ING1: variants seen among roughly 807,000 people sequenced by gnomAD.
ING1 encodes the protein inhibitor of growth family member 1, also known as inhibitor of growth protein 1.
In ING1, 4 loss-of-function variants were observed where a neutral mutation model predicts 23.1. The observed-to-expected ratio is 0.17, with a 90% CI of 0.09 to 0.40. ING1 has a LOEUF of 0.40. Among genes scored for constraint, ING1 ranks in the 10% least tolerant of loss-of-function variants. The pLI, the probability that ING1 is intolerant of heterozygous loss-of-function variation, is 1.00. For synonymous variants in ING1, 179 were observed against 166.4 expected (o/e 1.08, Z -0.58); for missense variants, 256 against 393.8 (o/e 0.65, Z 2.96).
chr13:110,719,164 T>G lies in ING1; in HGVS notation c.137-65T>G. The G allele has an allele frequency of 6.5e-7, 1 of 1,532,568 alleles. No homozygotes were observed. 94.9% of individuals were successfully genotyped at this position (1,532,568 alleles called of 1,614,324 possible). ...CCTGCCAGCCCTCTCCGTAGACCCGTCCGGGGCCGTGTGGGTTGTCCCGGT... is the reference window on the plus strand; with the variant it reads ...CCTGCCAGCCCTCTCCGTAGACCCGGCCGGGGCCGTGTGGGTTGTCCCGGT... On this transcript the variant is annotated intron_variant, in intron 1 of 1. Coordinates refer to ENST00000333219, the MANE Select transcript of ING1 (RefSeq NM_198219.3). The surrounding 1 kb of genome is among the most constrained non-coding windows in gnomAD (Gnocchi z 8.9).
At chr13:110,713,252 G>A (rs1179188324), upstream of ING1, 27 of 1,348,084 alleles carry the variant, frequency 2.0e-5, no homozygotes, top group Admixed American at 3.3e-5. Context: ...TCTGTGGGGC[G>A]GGGACGAAGA....
In ING1 at chr13:110,719,410, G is replaced by A. The variant is rs1024019341; in HGVS notation, c.318G>A (p.Val106=). The A allele has an allele frequency of 1.1e-5, 17 of 1,611,458 alleles. No homozygotes were observed. Among genetic ancestry groups the A allele is most frequent in the Non-Finnish European group, 1.2e-5 (14 of 1,179,718 alleles). Residue 106 remains valine, a synonymous_variant, in exon 2 of 2, where the codon GTG becomes GTA. Coordinates refer to ENST00000333219, the MANE Select transcript of ING1 (RefSeq NM_198219.3). This position sits in a 1 kb window ranked among gnomAD's most constrained non-coding sequence, Gnocchi z 8.9. ...TGGTGGAGAACCGCACGCGGCAGGT[G>A]GACAGCCACGTGGAGCTGTTCGAGG... ...VELVENRTRQ[V]DSHVELFEAQ...
At chr13:110,715,961 C>A (rs765219360) in intron 1 of ING1, 2 of 1,539,094 alleles carry the variant, frequency 1.3e-6, no homozygotes, top group Non-Finnish European at 1.7e-6. Flanking sequence ...CAGTTTCAGG[C>A]CGCATCTCTG....
At position 110,719,575 on chromosome 13, in the gene ING1, C is replaced by T. The variant is rs1377943975; in HGVS notation, c.483C>T (p.Asn161=). 1.9e-6 allele frequency: 3 copies of T among 1,611,474 alleles called. No homozygotes were observed. The highest frequency in any genetic ancestry group is 1.7e-5 in the Admixed American group (1 of 58,954). ...AGCGCAACAACGAGAACCGTGAGAA[C>T]GCGTCCAGCAACCACGACCACGACG... ...RRQRNNENRE[N]ASSNHDHDDG... Residue 161 remains asparagine, a synonymous_variant, in exon 2 of 2, where the codon AAC becomes AAT. Coordinates refer to ENST00000333219, the MANE Select transcript of ING1 (RefSeq NM_198219.3). This position sits in a 1 kb window ranked among gnomAD's most constrained non-coding sequence, Gnocchi z 8.9.
Position 110,713,725 on chromosome 13 carries a change from G to T in ING1, c.-425G>T. The stretch of plus-strand genomic sequence containing the variant: ...GGGTTTTCCACGTTGGACAAGTGCG[G>T]CTCGGCGGCCAGCGGAGCGCGCCCC... On this transcript the variant is annotated 5_prime_UTR_variant, in exon 1 of 2. Coordinates refer to ENST00000333219, the MANE Select transcript of ING1 (RefSeq NM_198219.3). 1 of 985,230 alleles carries T rather than the reference G, an allele frequency of 1.0e-6. No homozygotes were observed. Among genetic ancestry groups the T allele is most frequent in the Non-Finnish European group, 1.2e-6 (1 of 829,888 alleles). The allele number at this position is 985,230 out of a possible 1,614,324, so 61.0% of individuals were successfully genotyped here.
Position 110,719,833 on chromosome 13 carries a change from C to T in ING1, c.741C>T (p.Pro247=), listed in dbSNP as rs751450371. ...CGTGCGTGGGGCTCAATCATAAACC[C>T]AAGGGCAAGTGGTACTGTCCCAAGT... ...HFSCVGLNHK[P]KGKWYCPKCR... Residue 247 remains proline (P), a synonymous_variant, in exon 2 of 2, where the codon CCC becomes CCT. Transcript: ENST00000333219. The surrounding 1 kb of genome is among the most constrained non-coding windows in gnomAD (Gnocchi z 8.9). The T allele has an allele frequency of 3.1e-6, 5 of 1,613,842 alleles. No individual in the cohort carries two copies. The African/African-American group carries it at 6.7e-5, about 22-fold the overall frequency.
intron 1 of ING1, 27 bp downstream of exon 1, chr13:110,714,312 G>C (rs1205584964): frequency 6.5e-7 from 1 of 1,531,370 alleles, no homozygotes. Context: ...GATGGGCGGG[G>C]GCGGCCGCCT....
At chr13:110,717,145 A>G (rs2064130728) in intron 1 of ING1, among the ~76,000 whole-genome samples, 1 of 152,262 alleles carries the variant, frequency 6.6e-6, no homozygotes, top group Non-Finnish European at 1.5e-5. Flanking sequence ...AAAAGAAGTG[A>G]TACCATTTTG....
chr13:110,713,382 TCCCAGCGGGCGTGCTGTGCCG>T, upstream of ING1: 2 of 1,042,562 alleles, frequency 1.9e-6, no homozygotes, highest in Non-Finnish European at 2.3e-6. Flanking sequence ...CCCCTGCGTT[TCCCAGCGGGCGTGCTGTGCCG>T]CCCAACAGGC....
rs759235525 is a variant in ING1 at position 110,715,891 on chromosome 13, G to C, written c.136+1606G>C. The C allele has an allele frequency of 3.9e-5, 62 of 1,587,794 alleles. No individual in the cohort carries two copies. Among genetic ancestry groups the C allele is most frequent in the Non-Finnish European group, 5.2e-5 (61 of 1,171,312 alleles). Reference sequence around the variant, plus strand: ...AGTAGCAGTGATCCCGGGCCTGTGGGCTCGGGGCCGGGGCTGCAGTTCGGA... The same window carrying C: ...AGTAGCAGTGATCCCGGGCCTGTGGCCTCGGGGCCGGGGCTGCAGTTCGGA... On this transcript the variant is annotated intron_variant, in intron 1 of 1. Coordinates refer to ENST00000333219, the MANE Select transcript of ING1 (RefSeq NM_198219.3).
At position 110,714,091 on chromosome 13, in the gene ING1, G is replaced by A. The variant is rs1350928055; in HGVS notation, c.-59G>A. 4.1e-6 allele frequency: 6 copies of A among 1,476,296 alleles called. No individual in the cohort carries two copies. Among genetic ancestry groups the A allele is most frequent in the Admixed American group, 4.7e-5 (2 of 42,852 alleles). 91.4% of individuals were successfully genotyped at this position (1,476,296 alleles called of 1,614,324 possible). A position where few individuals can be genotyped will look rare whatever the true frequency, so the allele number is the denominator to read the frequency against. ...TTTGCAGTGCTATTTTTTGAGGGGG[G>A]CGGGGGGTGGAGGAAGCGGAAAGCC... On this transcript the variant is annotated 5_prime_UTR_variant, in exon 1 of 2. Transcript: ENST00000333219.
chr13:110,715,922 TC>T (rs1447797780), intron 1 of ING1: 1 of 1,568,134 alleles, frequency 6.4e-7, no homozygotes, highest in Admixed American at 1.9e-5. Context: ...TCGGACCGCC[TC>T]CCGCGACCCG....
rs909301199 is a variant in ING1, at chr13:110,722,315, G to C, written c.*2383G>C. ...CAAAAGGTTTATGAAAATAAGTTATGAAACTAAAATACTTAATAAACATCC... is the reference window on the plus strand; with the variant it reads ...CAAAAGGTTTATGAAAATAAGTTATCAAACTAAAATACTTAATAAACATCC... On this transcript the variant is annotated 3_prime_UTR_variant, in exon 2 of 2. Coordinates refer to ENST00000333219, the MANE Select transcript of ING1 (RefSeq NM_198219.3). The C allele has an allele frequency of 6.6e-6, 1 of 152,176 alleles. No homozygotes were observed. Among genetic ancestry groups the C allele is most frequent in the Non-Finnish European group, 1.5e-5 (1 of 68,028 alleles). 9.4% of individuals were successfully genotyped at this position (152,176 alleles called of 1,614,324 possible). A position where few individuals can be genotyped will look rare whatever the true frequency, so the allele number is the denominator to read the frequency against.
In ING1 at chr13:110,719,049, G is replaced by GTTGTGTTGTGTTGTGTTGTGTTGTA. The variant is rs550205267; in HGVS notation, c.137-175_137-174insTTGTGTTGTGTTGTGTTGTATTGTG. ...GTTGTGTTGTGTTGTGTTGTGTTGT[G>GTTGTGTTGTGTTGTGTTGTGTTGTA]TTGTGGTTAGCACAGGAACAGATAG... On this transcript the variant is annotated intron_variant, in intron 1 of 1. Coordinates refer to ENST00000333219, the MANE Select transcript of ING1 (RefSeq NM_198219.3). The surrounding 1 kb of genome is among the most constrained non-coding windows in gnomAD (Gnocchi z 8.9). Among the ~76,000 whole-genome samples the GTTGTGTTGTGTTGTGTTGTGTTGTA allele has an allele frequency of 3.3e-5, 5 of 152,022 alleles. No homozygotes were observed. The highest frequency in any genetic ancestry group is 1.2e-4 in the African/African-American group (5 of 41,376).
intron 1 of ING1, chr13:110,715,934 C>A: frequency 1.9e-6 from 3 of 1,558,304 alleles, no homozygotes; most frequent in Non-Finnish European, 2.6e-6. Context: ...CCGCGACCCG[C>A]GGGGCCGGCT....
intron 1 of ING1, chr13:110,715,319 G>C (rs1259604386): frequency 9.1e-6 from 13 of 1,434,352 alleles, no homozygotes; most frequent in South Asian, 1.5e-5. Context: ...GAAAGTACTA[G>C]ACGCCTCTGC....
upstream of ING1, chr13:110,712,906 A>C (rs1167427370): frequency 1.3e-6 from 2 of 1,529,846 alleles, no homozygotes; most frequent in South Asian, 1.2e-5. Context: ...ACACAAAGGG[A>C]GGGCGGTGAC....
chr13:110,714,419 C>G lies in ING1; in HGVS notation c.136+134C>G, dbSNP rs772557398. 44 of 851,860 alleles carry G rather than the reference C, an allele frequency of 5.2e-5. No individual in the cohort carries two copies. In the Middle Eastern group the frequency reaches 1.1e-3, roughly 21 times the overall value. 52.8% of individuals were successfully genotyped at this position (851,860 alleles called of 1,614,324 possible). A position where few individuals can be genotyped will look rare whatever the true frequency, so the allele number is the denominator to read the frequency against. The stretch of plus-strand genomic sequence containing the variant: ...CCGCAGCGGCGGCCCTCGGCAGGGG[C>G]AGGAACAAAAGGTCTGGAGCGCCTT... On this transcript the variant is annotated intron_variant, in intron 1 of 1. Transcript: ENST00000333219.
At chr13:110,712,808 C>T (rs2064047530), upstream of ING1, 1 of 797,862 alleles carries the variant, frequency 1.3e-6, no homozygotes, top group Admixed American at 2.0e-5. Context: ...CGGGCCTATC[C>T]ACCTCTTCTG....
Sources: gnomAD v4.1 joint callset for allele counts (sites outside exome capture counted in the v4.1 genomes callset) on GRCh38, gnomAD v4.1.1 for gene constraint, Gnocchi (gnomAD v3.1) non-coding constraint, MANE v1.5 for transcripts, NCBI Gene and HGNC (gene_info 2026-07-23, HGNC 2026-07-21) for gene names.